BPIFC: variants seen among roughly 807,000 people sequenced by gnomAD.
BPIFC encodes BPI fold containing family C, also known as BPI fold-containing family C protein.
BPIFC carries 60 observed loss-of-function variants against 57.6 expected under a neutral mutation model. That is an observed-to-expected ratio of 1.04 (90% CI 0.85 to 1.29). The LOEUF (loss-of-function observed/expected upper bound fraction) is 1.29. Ranked by LOEUF, BPIFC falls within the 50% of genes most tolerant of loss-of-function variation. BPIFC has a pLI of 0.00. For synonymous variants in BPIFC, 243 were observed against 224.5 expected, an observed-to-expected ratio of 1.08 and a Z score of -0.74; for missense variants, 581 against 600.5, an observed-to-expected ratio of 0.97 and a Z score of 0.34.
intron 1 of BPIFC, among the ~76,000 whole-genome samples, chr22:32,464,093 C>T (rs929862353): frequency 6.6e-6 from 1 of 152,214 alleles, no homozygotes; most frequent in Non-Finnish European, 1.5e-5. Context: ...ACCCTCTTAA[C>T]ATTGTTCCAT....
At chr22:32,423,911 A>C (rs1335024923) in intron 13 of BPIFC, among the ~76,000 whole-genome samples, 20 of 150,944 alleles carry the variant, frequency 1.3e-4, no homozygotes, top group Admixed American at 1.3e-3. Flanking sequence ...AACAACTCTC[A>C]ATTGTAAATA....
chr22:32,421,969 G>A (rs1450243085), intron 13 of BPIFC, among the ~76,000 whole-genome samples: 1 of 152,192 alleles, frequency 6.6e-6, no homozygotes, highest in Non-Finnish European at 1.5e-5. Context: ...AAGGCAGAAT[G>A]GGGAACGGAG....
Position 32,446,012 on chromosome 22 carries a change from C to T in BPIFC, c.375-16G>A. 6.2e-7 allele frequency: 1 copy of T among 1,612,344 alleles called. No individual in the cohort carries two copies. The highest frequency in any genetic ancestry group is 1.1e-5 in the South Asian group (1 of 90,970). ...TGTGTCTTGGCTGTTTAAAGAAGTG[C>T]AAGGTTATCCAAGCCTGAGTCAGGC... On this transcript the variant is annotated splice_polypyrimidine_tract_variant and intron_variant, in intron 5 of 16. Coordinates refer to ENST00000300399, the MANE Select transcript of BPIFC (RefSeq NM_174932.3).
intron 7 of BPIFC, among the ~76,000 whole-genome samples, chr22:32,442,983 G>C (rs1934607040): frequency 6.6e-6 from 1 of 152,156 alleles, no homozygotes; most frequent in Admixed American, 6.5e-5. Context: ...TAAAGAGTGA[G>C]TGAGCCCTTG....
intron 13 of BPIFC, among the ~76,000 whole-genome samples, chr22:32,422,218 A>T (rs1259760841): frequency 1.3e-5 from 2 of 152,252 alleles, no homozygotes; most frequent in Non-Finnish European, 2.9e-5. Context: ...AAAGAACAGC[A>T]GGCCAACAGG....
intron 4 of BPIFC, among the ~76,000 whole-genome samples, chr22:32,447,849 G>A (rs563876196): frequency 4.0e-4 from 61 of 151,964 alleles, no homozygotes; most frequent in African/African-American, 1.4e-3. Flanking sequence ...CCTCCAGCAA[G>A]CCTCCTGTTT....
At chr22:32,422,962 A>G (rs1189247165) in intron 13 of BPIFC, among the ~76,000 whole-genome samples, 2 of 152,234 alleles carry the variant, frequency 1.3e-5, no homozygotes, top group Non-Finnish European at 1.5e-5. Context: ...TGCAAAGCAC[A>G]TAATAGGTTC....
intron 3 of BPIFC, among the ~76,000 whole-genome samples, chr22:32,456,600 AT>A (rs2145967212): frequency 6.6e-6 from 1 of 152,318 alleles, no homozygotes; most frequent in South Asian, 2.1e-4. Flanking sequence ...AAGCTCCATC[AT>A]CAACCTACCC....
intron 4 of BPIFC, among the ~76,000 whole-genome samples, chr22:32,447,580 T>C (rs904869086): frequency 5.9e-5 from 9 of 151,578 alleles, no homozygotes; most frequent in African/African-American, 1.5e-4. Flanking sequence ...TAGAAATATA[T>C]ATGTAATTTT....
chr22:32,450,182 A>G (rs972175444), intron 4 of BPIFC, among the ~76,000 whole-genome samples: 8 of 152,020 alleles, frequency 5.3e-5, no homozygotes, highest in Non-Finnish European at 1.0e-4. Flanking sequence ...AAGATTATAT[A>G]CTGTATTTTT....
chr22:32,415,527 G>C (rs534863521), intron 16 of BPIFC, among the ~76,000 whole-genome samples: 130 of 152,310 alleles, frequency 8.5e-4, no homozygotes, highest in Non-Finnish European at 1.6e-3. Context: ...AGAAGAGCCA[G>C]TCCTGTCCCA....
intron 2 of BPIFC, among the ~76,000 whole-genome samples, chr22:32,461,275 G>C (rs1217584761): frequency 6.6e-6 from 1 of 152,218 alleles, no homozygotes; most frequent in Non-Finnish European, 1.5e-5. Context: ...AGCTGGTTTG[G>C]GTTCTACAGG....
intron 6 of BPIFC, 55 bp downstream of exon 6, chr22:32,445,786 T>C: frequency 1.3e-6 from 2 of 1,592,840 alleles, no homozygotes; most frequent in Non-Finnish European, 1.7e-6. Context: ...CCCTAGGCGA[T>C]GCCTGAGTAT....
chr22:32,435,259 G>A (rs1322100377), intron 10 of BPIFC, among the ~76,000 whole-genome samples: 2 of 151,836 alleles, frequency 1.3e-5, no homozygotes, highest in Non-Finnish European at 2.9e-5. Context: ...TGAGTGGTGA[G>A]GTATTAGCAG....
chr22:32,425,287 A>C (rs1433973841), intron 13 of BPIFC, among the ~76,000 whole-genome samples: 1 of 152,168 alleles, frequency 6.6e-6, no homozygotes, highest in African/African-American at 2.4e-5. Flanking sequence ...CCGTTCATTT[A>C]ATCTACTGAC....
At chr22:32,414,546 G>A (rs1275048787) in intron 16 of BPIFC, 121 bp from the exon 17 acceptor site, 2 of 1,238,066 alleles carry the variant, frequency 1.6e-6, no homozygotes, top group Non-Finnish European at 2.2e-6. Context: ...GAGTCTCAAA[G>A]GCTGTCGCCC....
At chr22:32,462,764 G>A (rs1436853031) in intron 1 of BPIFC, among the ~76,000 whole-genome samples, 1 of 152,188 alleles carries the variant, frequency 6.6e-6, no homozygotes, top group Non-Finnish European at 1.5e-5. Context: ...ATACATGCTA[G>A]GGTTTTCATT....
At chr22:32,448,932 G>A (rs965135688) in intron 4 of BPIFC, among the ~76,000 whole-genome samples, 5 of 150,336 alleles carry the variant, frequency 3.3e-5, no homozygotes, top group African/African-American at 4.9e-5. Flanking sequence ...GTGAGACTTC[G>A]TCTCAAAAAA....
chr22:32,451,562 GT>G (rs1934896010), intron 4 of BPIFC, among the ~76,000 whole-genome samples: 1 of 152,114 alleles, frequency 6.6e-6, no homozygotes, highest in Admixed American at 6.6e-5. Flanking sequence ...TTGGGGTAGG[GT>G]GGAGGGATAG....
Sources: gnomAD v4.1 joint callset for allele counts (sites outside exome capture counted in the v4.1 genomes callset) on GRCh38, gnomAD v4.1.1 for gene constraint, MANE v1.5 for transcripts, NCBI Gene and HGNC (gene_info 2026-07-23, HGNC 2026-07-21) for gene names.